COX7A2L: variants seen among roughly 807,000 people sequenced by gnomAD.
The protein encoded by COX7A2L is cytochrome c oxidase subunit 7A2-like, mitochondrial.
In COX7A2L, 18 loss-of-function variants were observed where a neutral mutation model predicts 14.2. That is an observed-to-expected ratio of 1.27 (90% CI 0.88 to 1.88). The LOEUF (loss-of-function observed/expected upper bound fraction) is 1.88, where lower values mean the gene tolerates loss of function less well. Ranked by LOEUF, COX7A2L falls within the 40% of genes most tolerant of loss-of-function variation. The pLI is 0.00. For synonymous variants in COX7A2L, 65 were observed against 57.4 expected (o/e 1.13, Z -0.60); for missense variants, 179 against 138.8 (o/e 1.29, Z -1.46).
downstream of COX7A2L, among the ~76,000 whole-genome samples, chr2:42,347,739 C>T (rs541478301): frequency 4.5e-4 from 68 of 152,038 alleles, no homozygotes; most frequent in Non-Finnish European, 5.9e-4. Flanking sequence ...CTGACCAACC[C>T]GGAGAAACCC....
intron 2 of COX7A2L, among the ~76,000 whole-genome samples, chr2:42,340,139 C>A (rs1255969213): frequency 2.0e-5 from 3 of 152,124 alleles, no homozygotes; most frequent in Non-Finnish European, 4.4e-5. Context: ...CCCACATTCT[C>A]CAAAGAAACA....
chr2:42,351,151 A>T lies in COX7A2L; in HGVS notation c.*68T>A. ...CATCCAAGTAAAAAAAAAAATTTTA[A>T]TTTAACAATGAAAAAGGAACTTCAA... On this transcript the variant is annotated 3_prime_UTR_variant, in exon 3 of 3. Transcript: ENST00000234301. The T allele has an allele frequency of 6.7e-7, 1 of 1,488,880 alleles. No individual in the cohort carries two copies. Among genetic ancestry groups the T allele is most frequent in the Non-Finnish European group, 9.0e-7 (1 of 1,113,808 alleles). The allele number at this position is 1,488,880 out of a possible 1,614,324, so 92.2% of individuals were successfully genotyped here.
At chr2:42,335,654 C>T (rs958288059) in intron 2 of COX7A2L, among the ~76,000 whole-genome samples, 8 of 152,216 alleles carry the variant, frequency 5.3e-5, no homozygotes, top group Non-Finnish European at 1.0e-4. Flanking sequence ...ACACAGAAGC[C>T]GACTGGCTGA....
At chr2:42,357,865 A>G (rs1670876146) in intron 1 of COX7A2L, among the ~76,000 whole-genome samples, 1 of 152,116 alleles carries the variant, frequency 6.6e-6, no homozygotes, top group African/African-American at 2.4e-5. Context: ...CACAAAATTA[A>G]GTCCTTACAT....
At chr2:42,352,905 T>C in intron 2 of COX7A2L, 1 of 428,930 alleles carries the variant, frequency 2.3e-6, no homozygotes, top group South Asian at 5.4e-5. Flanking sequence ...CATTCAGTTA[T>C]ACAGGCTACT....
chr2:42,338,509 TCTC>T lies in COX7A2L; in HGVS notation c.193-4643_193-4641del, dbSNP rs1312341332. ...GCCTGCCATGTGCTGCCCGTGAACA[TCTC>T]CTCACCAGAATCATTAGCAGAAACG... On this transcript the variant is annotated intron_variant, in intron 2 of 2. Transcript: ENST00000468711. This position sits in a 1 kb window ranked among gnomAD's most constrained non-coding sequence, Gnocchi z 4.4. Among the ~76,000 whole-genome samples, 8 of 152,090 alleles carry T rather than the reference TCTC, an allele frequency of 5.3e-5. No homozygotes were observed. The highest frequency in any genetic ancestry group is 8.8e-5 in the Non-Finnish European group (6 of 68,016).
At chr2:42,363,612 G>C (rs770615418), upstream of COX7A2L, among the ~76,000 whole-genome samples, 1 of 152,156 alleles carries the variant, frequency 6.6e-6, no homozygotes, top group Non-Finnish European at 1.5e-5. Flanking sequence ...GTGTGGGTTG[G>C]GATGTCACAT....
upstream of COX7A2L, among the ~76,000 whole-genome samples, chr2:42,362,166 A>G (rs1671073136): frequency 6.6e-6 from 1 of 152,204 alleles, no homozygotes; most frequent in Non-Finnish European, 1.5e-5. Context: ...TTGAGCCTGA[A>G]AGATCTGGAA....
chr2:42,353,481 C>T, intron 1 of COX7A2L, 138 bp from the exon 2 acceptor site: 3 of 1,149,718 alleles, frequency 2.6e-6, no homozygotes, highest in South Asian at 2.9e-5. Context: ...TCAAGAACCC[C>T]TTGCCATTAC....
intron 2 of COX7A2L, chr2:42,352,910 G>C (rs1670692244): frequency 6.7e-6 from 3 of 445,216 alleles, no homozygotes; most frequent in Non-Finnish European, 3.9e-6. Context: ...AGTTATACAG[G>C]CTACTCAGTT....
At chr2:42,359,170 G>A (rs1670934226) in intron 1 of COX7A2L, 1 of 152,198 alleles carries the variant, frequency 6.6e-6, no homozygotes, top group Non-Finnish European at 1.5e-5. Flanking sequence ...CATTTTCAGA[G>A]GCAAAAGCAG....
intron 1 of COX7A2L, among the ~76,000 whole-genome samples, chr2:42,354,926 G>C (rs770605005): frequency 5.3e-5 from 8 of 152,208 alleles, no homozygotes. Flanking sequence ...ACTTAATTCT[G>C]ACAGCAACCC....
Position 42,338,969 on chromosome 2 carries a change from G to A in COX7A2L, c.193-5100C>T, listed in dbSNP as rs566091878. Among the ~76,000 whole-genome samples, 3 of 152,184 alleles carry A rather than the reference G, an allele frequency of 2.0e-5. No individual in the cohort carries two copies. Among genetic ancestry groups the A allele is most frequent in the Non-Finnish European group, 4.4e-5 (3 of 68,036 alleles). ...TAGCTGTCCCTGCATCAGAGCGCCA[G>A]GAAGGCTGTCCCCTCTGATCACTGG... On this transcript the variant is annotated intron_variant, in intron 2 of 2. Transcript: ENST00000468711. The surrounding 1 kb of genome is among the most constrained non-coding windows in gnomAD (Gnocchi z 4.4).
At position 42,361,128 on chromosome 2, in the gene COX7A2L, A is replaced by G. The variant is rs769006567; in HGVS notation, c.34T>C (p.Leu12=). 2 of 1,613,748 alleles carry G rather than the reference A, an allele frequency of 1.2e-6. No homozygotes were observed. The highest frequency in any genetic ancestry group is 2.2e-5 in the South Asian group (2 of 91,004). ...GCCTCCGAAGCCCATGCTCCTGCCA[A>G]CTTCTGCGTGAAGCCACTAAACTTG... ...YYKFSGFTQK[L]AGAWASEAYS... Residue 12 remains leucine (L), a synonymous_variant, in exon 1 of 3, where the codon TTG becomes CTG. Coordinates refer to ENST00000234301, the MANE Select transcript of COX7A2L (RefSeq NM_004718.4).
downstream of COX7A2L, among the ~76,000 whole-genome samples, chr2:42,345,409 T>C (rs1670476088): frequency 6.6e-6 from 1 of 152,088 alleles, no homozygotes; most frequent in South Asian, 2.1e-4. Flanking sequence ...ACAAAATTAT[T>C]TTTAATGATC....
At chr2:42,357,700 C>T (rs1448905633) in intron 1 of COX7A2L, among the ~76,000 whole-genome samples, 2 of 152,118 alleles carry the variant, frequency 1.3e-5, no homozygotes, top group Non-Finnish European at 2.9e-5. Flanking sequence ...AAATTCACTC[C>T]TAAGCCCATT....
intron 2 of COX7A2L, among the ~76,000 whole-genome samples, chr2:42,341,941 A>G (rs1246892766): frequency 1.3e-5 from 2 of 152,110 alleles, no homozygotes; most frequent in Non-Finnish European, 2.9e-5. Context: ...GAAGACATCA[A>G]CTCATTCAGC....
At chr2:42,353,453 T>C in intron 1 of COX7A2L, 110 bp from the exon 2 acceptor site, 10 of 1,422,804 alleles carry the variant, frequency 7.0e-6, no homozygotes, top group Non-Finnish European at 9.7e-6. Flanking sequence ...CTCTCCAACT[T>C]TCCCAGAGCA....
Position 42,358,334 on chromosome 2 carries a change from C to T in COX7A2L, c.72+2756G>A, listed in dbSNP as rs139504803. On this transcript the variant is annotated intron_variant, in intron 1 of 2. Coordinates refer to ENST00000234301, the MANE Select transcript of COX7A2L (RefSeq NM_004718.4). ...GATGCCTTTCAACCAATGGAAAATG[C>T]CATCCCACCAACTGCTTGCTGTCAA... Among the ~76,000 whole-genome samples, 19 of 152,322 alleles carry T rather than the reference C, an allele frequency of 1.2e-4. No homozygotes were observed. In the East Asian group the frequency reaches 3.7e-3, roughly 29 times the overall value.
Sources: allele counts gnomAD v4.1 joint callset (sites outside exome capture counted in the v4.1 genomes callset), GRCh38; gene constraint gnomAD v4.1.1; non-coding constraint Gnocchi (gnomAD v3.1); transcripts MANE v1.5; gene names NCBI Gene and HGNC (gene_info 2026-07-23, HGNC 2026-07-21).